The following KHDRBS2 variants were observed in gnomAD, a reference collection of about 807,000 sequenced individuals.
The protein encoded by KHDRBS2 is KH RNA binding domain containing, signal transduction associated 2, also known as KH domain-containing, RNA-binding, signal transduction-associated protein 2.
A neutral mutation model predicts 44.3 loss-of-function variants in KHDRBS2; 26 were observed. The observed-to-expected ratio is 0.59, with a 90% CI of 0.43 to 0.81. KHDRBS2 has a LOEUF of 0.81. KHDRBS2 is among the 40% of genes least tolerant of loss of function. The pLI, the probability that KHDRBS2 is intolerant of heterozygous loss-of-function variation, is 0.00. For synonymous variants in KHDRBS2, 194 were observed against 151.1 expected (o/e 1.28, Z -2.08); for missense variants, 476 against 433.1 (o/e 1.10, Z -0.88).
At position 61,730,105 on chromosome 6, in the gene KHDRBS2, A is replaced by G. The variant is rs186746634; in HGVS notation, c.893+2577T>C. On this transcript the variant is annotated intron_variant, in intron 7 of 8. Transcript: ENST00000281156. Reference sequence around the variant, plus strand: ...AAAAAAATAGTTTACTAATTAGTGCATGTACTCATTTTCATTTATTTTTTC... The same window carrying G: ...AAAAAAATAGTTTACTAATTAGTGCGTGTACTCATTTTCATTTATTTTTTC... Among the ~76,000 whole-genome samples the G allele has an allele frequency of 9.3e-4, 142 of 152,282 alleles. No homozygotes were observed. The East Asian group carries it at 0.024, about 26-fold the overall frequency.
intron 1 of KHDRBS2, among the ~76,000 whole-genome samples, chr6:62,284,703 T>C (rs1280207155): frequency 2.0e-5 from 3 of 152,120 alleles, no homozygotes; most frequent in African/African-American, 7.2e-5. Flanking sequence ...TTGTTTAGTA[T>C]TTAAACATAG....
Position 61,679,982 on chromosome 6 carries a change from T to C in KHDRBS2, c.*981A>G, listed in dbSNP as rs950674275. ...AGGATAGTTTAAAATCCATTTATTA[T>C]TCTAAATCCATTTTTTTCCATTAAC... On this transcript the variant is annotated 3_prime_UTR_variant, in exon 9 of 9. Coordinates refer to ENST00000281156, the MANE Select transcript of KHDRBS2 (RefSeq NM_152688.4). The C allele has an allele frequency of 6.6e-6, 1 of 151,978 alleles. No individual in the cohort carries two copies. The highest frequency in any genetic ancestry group is 1.5e-5 in the Non-Finnish European group (1 of 67,928). 9.4% of individuals were successfully genotyped at this position (151,978 alleles called of 1,614,324 possible). A position where few individuals can be genotyped will look rare whatever the true frequency, so the allele number is the denominator to read the frequency against.
intron 6 of KHDRBS2, among the ~76,000 whole-genome samples, chr6:61,861,461 T>C (rs1255069410): frequency 6.6e-6 from 1 of 152,188 alleles, no homozygotes; most frequent in Non-Finnish European, 1.5e-5. Context: ...TACCATTTAT[T>C]AAATAGGGAG....
chr6:61,774,792 G>C (rs184128973), intron 6 of KHDRBS2, among the ~76,000 whole-genome samples: 7 of 151,984 alleles, frequency 4.6e-5, no homozygotes, highest in Admixed American at 6.6e-5. Flanking sequence ...CTCATTTTAC[G>C]AAGCCAGCAT....
chr6:61,776,390 C>A lies in KHDRBS2; in HGVS notation c.811-43626G>T, dbSNP rs200329880. The stretch of plus-strand genomic sequence containing the variant: ...TGGGAGAAAATTTTCACAACCTACT[C>A]ATCTGACAAAGGGCTAATATCCAGA... On this transcript the variant is annotated intron_variant, in intron 6 of 8. Coordinates refer to ENST00000281156, the MANE Select transcript of KHDRBS2 (RefSeq NM_152688.4). Among the ~76,000 whole-genome samples, 3 of 152,080 alleles carry A rather than the reference C, an allele frequency of 2.0e-5. No individual in the cohort carries two copies. The East Asian group carries it at 5.8e-4, about 29-fold the overall frequency.
intron 6 of KHDRBS2, among the ~76,000 whole-genome samples, chr6:61,840,656 C>T (rs1439356055): frequency 6.6e-6 from 1 of 152,100 alleles, no homozygotes; most frequent in Non-Finnish European, 1.5e-5. Flanking sequence ...ATTCAAGTGG[C>T]ATGTGTGATG....
intron 3 of KHDRBS2, among the ~76,000 whole-genome samples, chr6:62,001,502 T>A (rs538924579): frequency 1.4e-3 from 214 of 151,900 alleles, no homozygotes; most frequent in Non-Finnish European, 1.2e-3. Flanking sequence ...AAGAATAGGA[T>A]AAAATTGCTA....
chr6:61,723,413 G>A (rs1296207873), intron 7 of KHDRBS2, among the ~76,000 whole-genome samples: 1 of 152,128 alleles, frequency 6.6e-6, no homozygotes, highest in South Asian at 2.1e-4. Flanking sequence ...GTAGACTTCA[G>A]AAGGTACGTA....
Position 62,286,079 on chromosome 6 carries a change from C to A in KHDRBS2, c.-131G>T. ...GCGGCGAGGGATCTCTGTGCGTCCT[C>A]ACTGGCCCATGCACCCAGCACCTGC... On this transcript the variant is annotated 5_prime_UTR_variant, in exon 1 of 9. It removes the in-frame stop codon of an upstream open reading frame in the 5' UTR. Transcript: ENST00000281156. 1 of 671,002 alleles carries A rather than the reference C, an allele frequency of 1.5e-6. No homozygotes were observed. Among genetic ancestry groups the A allele is most frequent in the Non-Finnish European group, 2.7e-6 (1 of 374,788 alleles). 41.6% of individuals were successfully genotyped at this position (671,002 alleles called of 1,614,324 possible). A position where few individuals can be genotyped will look rare whatever the true frequency, so the allele number is the denominator to read the frequency against.
intron 7 of KHDRBS2, among the ~76,000 whole-genome samples, chr6:61,718,030 T>A (rs1451294157): frequency 5.9e-5 from 9 of 152,074 alleles, no homozygotes; most frequent in Non-Finnish European, 1.0e-4. Flanking sequence ...TTAACATTTC[T>A]AAAATTTAAA....
chr6:62,052,814 G>T (rs1039400614), intron 2 of KHDRBS2, among the ~76,000 whole-genome samples: 9 of 152,028 alleles, frequency 5.9e-5, no homozygotes, highest in African/African-American at 2.2e-4. Context: ...GGCAGTAATG[G>T]TAATGCTGGC....
intron 2 of KHDRBS2, among the ~76,000 whole-genome samples, chr6:62,125,200 CTG>C (rs1310468247): frequency 1.3e-5 from 2 of 152,158 alleles, no homozygotes; most frequent in Non-Finnish European, 2.9e-5. Context: ...GAAAGAAAAT[CTG>C]TGTGCTTGCG....
intron 4 of KHDRBS2, among the ~76,000 whole-genome samples, chr6:61,908,816 T>C (rs996119841): frequency 6.6e-6 from 1 of 152,128 alleles, no homozygotes; most frequent in Non-Finnish European, 1.5e-5. Context: ...AATGGTATGT[T>C]AGATAGAATT....
the KHDRBS2 span, among the ~76,000 whole-genome samples, chr6:61,579,627 A>T: frequency 8.5e-5 from 13 of 152,158 alleles, no homozygotes; most frequent in Non-Finnish European, 1.8e-4. Flanking sequence ...CAGGGTAAAA[A>T]TTTATATAAG....
intron 4 of KHDRBS2, among the ~76,000 whole-genome samples, chr6:61,914,067 C>T (rs533835853): frequency 1.3e-5 from 2 of 151,898 alleles, no homozygotes; most frequent in Non-Finnish European, 2.9e-5. Context: ...ATTCTGGCTG[C>T]CATGACACAA....
At chr6:62,060,850 G>A (rs889413464) in intron 2 of KHDRBS2, among the ~76,000 whole-genome samples, 3 of 151,802 alleles carry the variant, frequency 2.0e-5, no homozygotes, top group African/African-American at 7.2e-5. Context: ...CTGTTGATTA[G>A]ATATATTGTG....
At chr6:61,954,860 ATACACATACATATGTG>A (rs1766008825) in intron 4 of KHDRBS2, among the ~76,000 whole-genome samples, 1 of 109,092 alleles carries the variant, frequency 9.2e-6, no homozygotes, top group African/African-American at 3.1e-5. Flanking sequence ...GCATGTGTAT[ATACACATACATATGTG>A]TATATATGTA....
At chr6:61,683,990 T>G (rs1582144641) in intron 8 of KHDRBS2, among the ~76,000 whole-genome samples, 1 of 151,966 alleles carries the variant, frequency 6.6e-6, no homozygotes, top group Non-Finnish European at 1.5e-5. Context: ...CAGACCTTGC[T>G]TCCATTGTTT....
At chr6:61,943,951 A>G (rs61667343) in intron 4 of KHDRBS2, among the ~76,000 whole-genome samples, 3,362 of 152,264 alleles carry the variant, frequency 0.022, 138 homozygotes, top group African/African-American at 0.077. Flanking sequence ...GAAAACCACA[A>G]TGAGGTATCA....
Sources: gnomAD v4.1 joint callset for allele counts (sites outside exome capture counted in the v4.1 genomes callset) on GRCh38, gnomAD v4.1.1 for gene constraint, MANE v1.5 for transcripts, NCBI Gene and HGNC (gene_info 2026-07-23, HGNC 2026-07-21) for gene names.